The following FBXL2 variants were observed in gnomAD, a reference collection of about 807,000 sequenced individuals.
FBXL2 encodes F-box/LRR-repeat protein 2.
Under a neutral mutation model 69.2 loss-of-function variants are expected in FBXL2, and 38 were observed. The observed-to-expected ratio is 0.55, with a 90% confidence interval of 0.42 to 0.72. FBXL2 has a LOEUF of 0.72. Ranked by LOEUF, FBXL2 falls within the 30% of genes least tolerant of loss-of-function variation. The pLI is 0.00. For synonymous variants in FBXL2, 192 were observed against 201.3 expected (o/e 0.95, Z 0.39); for missense variants, 354 against 520.3 (o/e 0.68, Z 3.11).
At chr3:33,410,195 C>T in the FBXL2 span, among the ~76,000 whole-genome samples, 1 of 152,318 alleles carries the variant, frequency 6.6e-6, no homozygotes, top group Middle Eastern at 3.4e-3. Flanking sequence ...GGGCAATACT[C>T]ATCTTCCACC....
chr3:33,277,775 C>T (rs963652613), intron 1 of FBXL2, among the ~76,000 whole-genome samples: 1 of 152,084 alleles, frequency 6.6e-6, no homozygotes, highest in Admixed American at 6.5e-5. Flanking sequence ...AGCCCGGACC[C>T]CCACCCAGTG....
intron 2 of FBXL2, among the ~76,000 whole-genome samples, chr3:33,310,564 A>C (rs1344836125): frequency 6.6e-6 from 1 of 152,106 alleles, no homozygotes; most frequent in Admixed American, 6.6e-5. Flanking sequence ...CCGGTGAGTT[A>C]TACTTTCATG....
At chr3:33,360,829 ATACT>A (rs1418406251) in intron 4 of FBXL2, among the ~76,000 whole-genome samples, 1 of 151,332 alleles carries the variant, frequency 6.6e-6, no homozygotes, top group African/African-American at 2.4e-5. Context: ...ATTGAGCAAA[ATACT>A]TACTCTTTTT....
At chr3:33,395,279 T>C (rs1479612307) in intron 12 of FBXL2, among the ~76,000 whole-genome samples, 2 of 152,094 alleles carry the variant, frequency 1.3e-5, no homozygotes, top group East Asian at 3.8e-4. Flanking sequence ...TTTTCAGAGC[T>C]CTACCTATTC....
At chr3:33,375,788 T>C (rs772715840) in intron 10 of FBXL2, among the ~76,000 whole-genome samples, 1 of 152,104 alleles carries the variant, frequency 6.6e-6, no homozygotes, top group Admixed American at 6.5e-5. Context: ...TGCTGCCAAA[T>C]GGACAGAATG....
chr3:33,385,408 T>C (rs79517267), intron 14 of FBXL2, 93 bp from the exon 15 acceptor site: 103,524 of 1,139,754 alleles, frequency 0.091, 5,052 homozygotes, highest in Admixed American at 0.13. Flanking sequence ...GGTGAAGATT[T>C]TTAATAGAGG....
chr3:33,296,110 G>C (rs775610324), intron 1 of FBXL2, among the ~76,000 whole-genome samples: 2 of 152,112 alleles, frequency 1.3e-5, no homozygotes, highest in African/African-American at 2.4e-5. Context: ...TTGTAACCCA[G>C]GCTGGAGTGC....
chr3:33,278,200 C>T (rs1187625152), intron 1 of FBXL2: 1 of 152,178 alleles, frequency 6.6e-6, no homozygotes, highest in Non-Finnish European at 1.5e-5. Context: ...GTGGGCATAA[C>T]ACCTGGCCCC....
chr3:33,364,698 G>A lies in FBXL2; in HGVS notation c.269G>A (p.Gly90Asp). ...AAGCTCAGCTTGCGAGGCTGCATTG[G>A]TGTTGGGGATTCCTCCTTGAAGTAA... ...LRKLSLRGCIGVGDSSLKTFA... is the reference protein window; with the variant it reads ...LRKLSLRGCIDVGDSSLKTFA... The change falls in exon 5 of 15, where the codon GGT becomes GAT. Residue 90 changes from glycine to aspartate, a missense_variant. Physicochemically the swap from Gly to Asp is moderately conservative, Grantham distance 94. Coordinates refer to ENST00000484457, the MANE Select transcript of FBXL2 (RefSeq NM_012157.5). 2.5e-6 allele frequency: 4 copies of A among 1,614,150 alleles called. No homozygotes were observed. The highest frequency in any genetic ancestry group is 3.4e-6 in the Non-Finnish European group (4 of 1,179,970).
intron 2 of FBXL2, among the ~76,000 whole-genome samples, chr3:33,344,467 A>G (rs1039249150): frequency 6.6e-6 from 1 of 152,166 alleles, no homozygotes; most frequent in Non-Finnish European, 1.5e-5. Context: ...GAACAATACA[A>G]TGGAAAAGAA....
intron 2 of FBXL2, among the ~76,000 whole-genome samples, chr3:33,321,519 T>G (rs1405844005): frequency 6.6e-6 from 1 of 152,178 alleles, no homozygotes; most frequent in Non-Finnish European, 1.5e-5. Flanking sequence ...AATGTGACAT[T>G]ATCCACAGTT....
At chr3:33,360,918 C>CTT (rs58912118) in intron 4 of FBXL2, among the ~76,000 whole-genome samples, 1,229 of 57,144 alleles carry the variant, frequency 0.022, 346 homozygotes, top group East Asian at 0.044. Context: ...ACATGAAGAA[C>CTT]TTTTTTTTTT....
chr3:33,409,023 T>C, the FBXL2 span, among the ~76,000 whole-genome samples: 3 of 152,324 alleles, frequency 2.0e-5, no homozygotes, highest in East Asian at 1.9e-4. Flanking sequence ...TAAGACCTCA[T>C]TGGGATTTCA....
chr3:33,351,968 A>G (rs2040856136), intron 2 of FBXL2, among the ~76,000 whole-genome samples: 1 of 151,908 alleles, frequency 6.6e-6, no homozygotes. Context: ...CACTTAAAAA[A>G]AAAAAAAAAA....
chr3:33,288,431 T>C (rs2034874991), intron 1 of FBXL2, among the ~76,000 whole-genome samples: 2 of 152,164 alleles, frequency 1.3e-5, no homozygotes, highest in Admixed American at 1.3e-4. Flanking sequence ...AAAAGTACTT[T>C]GGAGAAAAAT....
intron 2 of FBXL2, among the ~76,000 whole-genome samples, chr3:33,340,895 CAAAAAAAA>C (rs67092664): frequency 1.2e-5 from 1 of 86,590 alleles, no homozygotes; most frequent in East Asian, 3.2e-4. Context: ...TTCCTTTGCC[CAAAAAAAA>C]AAAAAAAAAA....
chr3:33,377,585 T>G (rs959613618), intron 11 of FBXL2, among the ~76,000 whole-genome samples: 1 of 152,146 alleles, frequency 6.6e-6, no homozygotes, highest in Non-Finnish European at 1.5e-5. Context: ...GGCAGGAGAC[T>G]CCATTCCTCA....
rs1483409011 is a variant in FBXL2 at position 33,402,797 on chromosome 3, A to G, written n.1215-437A>G. ...GCAGGCACACGATCACACAAACTAG[A>G]TACCTGTCTGGGACACTGCAAGTGC... On this transcript the variant is annotated intron_variant and non_coding_transcript_variant, in intron 12 of 12. Coordinates refer to the FBXL2 transcript ENST00000463736. 2.6e-6 allele frequency: 4 copies of G among 1,554,400 alleles called. No individual in the cohort carries two copies. The Admixed American group carries it at 6.4e-5, about 25-fold the overall frequency.
At chr3:33,418,678 G>C in the FBXL2 span, among the ~76,000 whole-genome samples, 11 of 151,782 alleles carry the variant, frequency 7.2e-5, no homozygotes, top group Admixed American at 2.0e-4. Flanking sequence ...GACCAACATG[G>C]AGAAACCTCA....
Sources: allele counts gnomAD v4.1 joint callset (sites outside exome capture counted in the v4.1 genomes callset), GRCh38; gene constraint gnomAD v4.1.1; transcripts MANE v1.5; gene names NCBI Gene and HGNC (gene_info 2026-07-23, HGNC 2026-07-21).